The following ENKUR variants were observed in gnomAD, a reference collection of about 807,000 sequenced individuals.
ENKUR encodes enkurin.
In ENKUR, 19 loss-of-function variants were observed where a neutral mutation model predicts 27.6. The ratio of observed to expected loss-of-function variants is 0.69; its 90% confidence interval spans 0.48 to 1.01. The LOEUF (loss-of-function observed/expected upper bound fraction) is 1.01, where lower values mean the gene tolerates loss of function less well. Ranked by LOEUF, ENKUR falls within the 50% of genes least tolerant of loss-of-function variation. The pLI is 0.00. For synonymous variants in ENKUR, 117 were observed against 96.9 expected, an observed-to-expected ratio of 1.21 and a Z score of -1.22; for missense variants, 312 against 310.5, an observed-to-expected ratio of 1.00 and a Z score of -0.04.
At chr10:25,012,319 A>T (rs1270334101) in intron 1 of ENKUR, among the ~76,000 whole-genome samples, 1 of 152,246 alleles carries the variant, frequency 6.6e-6, no homozygotes, top group Non-Finnish European at 1.5e-5. Context: ...CCACTGGGGC[A>T]CTGCCTAGTG....
intron 1 of ENKUR, among the ~76,000 whole-genome samples, chr10:25,010,308 T>C (rs1409695961): frequency 6.6e-6 from 1 of 152,084 alleles, no homozygotes; most frequent in Non-Finnish European, 1.5e-5. Context: ...AACTTCGAAT[T>C]TGAGAGAGAT....
chr10:25,053,225 T>C (rs1851208603), intron 2 of ENKUR, among the ~76,000 whole-genome samples: 1 of 152,226 alleles, frequency 6.6e-6, no homozygotes, highest in African/African-American at 2.4e-5. Flanking sequence ...ACAATATGTG[T>C]ATACAAGGTG....
At chr10:24,999,293 G>T in intron 2 of ENKUR, 108 bp downstream of exon 2, 1 of 1,092,042 alleles carries the variant, frequency 9.2e-7, no homozygotes, top group South Asian at 1.7e-5. Context: ...TTAATATGAG[G>T]TAAAGCTGCT....
In ENKUR at chr10:25,060,130, T is replaced by G. The variant is rs934032251; in HGVS notation, c.37+982A>C. Among the ~76,000 whole-genome samples the G allele has an allele frequency of 2.0e-5, 3 of 152,178 alleles. No homozygotes were observed. The East Asian group carries it at 5.8e-4, about 29-fold the overall frequency. On this transcript the variant is annotated intron_variant, in intron 2 of 5. Coordinates refer to the ENKUR transcript ENST00000615958. The stretch of plus-strand genomic sequence containing the variant: ...AGGAAGCCTGTGAAGCCGACCTGTC[T>G]GTACGTCTGTACAAGGAGAGGCCAA...
chr10:25,033,968 G>A (rs867035739), intron 2 of ENKUR, among the ~76,000 whole-genome samples: 9 of 151,842 alleles, frequency 5.9e-5, no homozygotes, highest in Admixed American at 2.6e-4. Flanking sequence ...TTCAGTTAAA[G>A]AAACTAAAAA....
intron 2 of ENKUR, among the ~76,000 whole-genome samples, chr10:25,034,362 C>T (rs1296046641): frequency 6.6e-6 from 1 of 152,010 alleles, no homozygotes; most frequent in African/African-American, 2.4e-5. Flanking sequence ...CAATTGTGAA[C>T]CTATTCATTT....
chr10:25,014,772 T>C (rs191269478), intron 1 of ENKUR, among the ~76,000 whole-genome samples: 23 of 152,340 alleles, frequency 1.5e-4, no homozygotes, highest in Non-Finnish European at 2.9e-4. Flanking sequence ...TCTCTAGATG[T>C]TGATATGCTA....
Position 24,983,701 on chromosome 10 carries a change from C to T in ENKUR, c.*669G>A, listed in dbSNP as rs1329572325. The T allele has an allele frequency of 6.6e-6, 1 of 152,058 alleles. No individual in the cohort carries two copies. Among genetic ancestry groups the T allele is most frequent in the East Asian group, 1.9e-4 (1 of 5,202 alleles). 9.4% of individuals were successfully genotyped at this position (152,058 alleles called of 1,614,324 possible). A position where few individuals can be genotyped will look rare whatever the true frequency, so the allele number is the denominator to read the frequency against. On this transcript the variant is annotated 3_prime_UTR_variant, in exon 6 of 6. Transcript: ENST00000331161. ...CCAAATTCTGTGTTTGTGAAAAAAGCCTGAAAGACTCCCATATTTTGTTTT... is the reference window on the plus strand; with the variant it reads ...CCAAATTCTGTGTTTGTGAAAAAAGTCTGAAAGACTCCCATATTTTGTTTT...
At chr10:24,998,369 CTCTCTCTCTCTCTT>C (rs1288973132) in intron 2 of ENKUR, among the ~76,000 whole-genome samples, 1 of 133,604 alleles carries the variant, frequency 7.5e-6, no homozygotes, top group African/African-American at 2.8e-5. Flanking sequence ...CTCTCTCTCT[CTCTCTCTCTCTCTT>C]TCTTTTTTTG....
chr10:25,057,138 A>G (rs145273454), intron 2 of ENKUR, among the ~76,000 whole-genome samples: 1 of 152,326 alleles, frequency 6.6e-6, no homozygotes, highest in African/African-American at 2.4e-5. Flanking sequence ...TGAGCTATAT[A>G]ATACAAAATG....
rs538856881 is a variant in ENKUR at position 24,995,054 on chromosome 10, C to T, written c.447+592G>A. 2.3e-4 allele frequency among the ~76,000 whole-genome samples: 35 copies of T among 152,164 alleles called. No individual in the cohort carries two copies. The South Asian group carries it at 7.1e-3, about 31-fold the overall frequency. ...TCTATATTTAAACTATAATGTTCAC[C>T]AATGAAATTACACACCTTTTCAGAT... On this transcript the variant is annotated intron_variant, in intron 3 of 5. Transcript: ENST00000331161.
chr10:25,054,142 C>T (rs541027843), intron 2 of ENKUR, among the ~76,000 whole-genome samples: 19 of 152,172 alleles, frequency 1.2e-4, no homozygotes, highest in East Asian at 1.9e-4. Context: ...TGGTGCTGGC[C>T]GGGCATGGTG....
chr10:25,005,900 A>G (rs1216621887), intron 1 of ENKUR, among the ~76,000 whole-genome samples: 4 of 152,248 alleles, frequency 2.6e-5, no homozygotes, highest in Non-Finnish European at 5.9e-5. Flanking sequence ...TAGTTAATGT[A>G]TTCATCTACA....
chr10:24,994,114 C>T (rs1849987610), intron 3 of ENKUR, among the ~76,000 whole-genome samples: 2 of 152,082 alleles, frequency 1.3e-5, no homozygotes, highest in Admixed American at 6.5e-5. Context: ...CCTTGAGGGT[C>T]CTGTTTTGAT....
chr10:25,041,215 C>G (rs985211578), intron 2 of ENKUR, among the ~76,000 whole-genome samples: 5 of 152,162 alleles, frequency 3.3e-5, no homozygotes, highest in Non-Finnish European at 7.4e-5. Context: ...ATTTCTTCCA[C>G]TGTCTTCTGG....
At position 24,983,942 on chromosome 10, in the gene ENKUR, A is replaced by G. The variant is rs1849723504; in HGVS notation, c.*428T>C. On this transcript the variant is annotated 3_prime_UTR_variant, in exon 6 of 6. Coordinates refer to ENST00000331161, the MANE Select transcript of ENKUR (RefSeq NM_145010.4). Reference sequence around the variant, plus strand: ...TGCTTAATAGATTATGTAATCTTACAAATGTAACTTTAGAATTCACAAAAT... The same window carrying G: ...TGCTTAATAGATTATGTAATCTTACGAATGTAACTTTAGAATTCACAAAAT... 1 of 156,938 alleles carries G rather than the reference A, an allele frequency of 6.4e-6. No homozygotes were observed. Among genetic ancestry groups the G allele is most frequent in the Non-Finnish European group, 1.4e-5 (1 of 71,374 alleles). The allele number at this position is 156,938 out of a possible 1,614,324, so 9.7% of individuals were successfully genotyped here.
intron 2 of ENKUR, among the ~76,000 whole-genome samples, chr10:24,997,474 C>A (rs1481230508): frequency 2.6e-5 from 4 of 151,048 alleles, no homozygotes; most frequent in Non-Finnish European, 5.9e-5. Context: ...GCAGCCTCAA[C>A]TTCCTGGGCT....
chr10:25,051,893 C>G (rs776331651), intron 2 of ENKUR, among the ~76,000 whole-genome samples: 1 of 152,200 alleles, frequency 6.6e-6, no homozygotes, highest in South Asian at 2.1e-4. Context: ...GTCCCCTGTT[C>G]CTCTGAAATG....
intron 1 of ENKUR, among the ~76,000 whole-genome samples, chr10:25,010,208 G>C (rs1475915449): frequency 1.3e-5 from 2 of 152,162 alleles, no homozygotes; most frequent in Non-Finnish European, 2.9e-5. Context: ...CGGAGATGAG[G>C]AACTTGTTGA....
Sources: allele counts gnomAD v4.1 joint callset (sites outside exome capture counted in the v4.1 genomes callset), GRCh38; gene constraint gnomAD v4.1.1; transcripts MANE v1.5; gene names NCBI Gene and HGNC (gene_info 2026-07-23, HGNC 2026-07-21).